SYN3: variants seen among roughly 807,000 people sequenced by gnomAD.
The protein encoded by SYN3 is synapsin III, also known as synapsin-3.
In SYN3, 35 loss-of-function variants were observed where a neutral mutation model predicts 65.8. That is an observed-to-expected ratio of 0.53 (90% CI 0.41 to 0.70). SYN3 has a LOEUF of 0.70. SYN3 is among the 30% of genes least tolerant of loss of function. The pLI is 0.00. For missense variants in SYN3, 680 were observed against 749.0 expected (o/e 0.91, Z 1.08); for synonymous variants, 270 against 292.9 (o/e 0.92, Z 0.80).
chr22:32,903,922 T>C (rs1399042879), intron 4 of SYN3, among the ~76,000 whole-genome samples: 2 of 152,198 alleles, frequency 1.3e-5, no homozygotes, highest in South Asian at 2.1e-4. Context: ...TACTATGTAT[T>C]GGGCCCCGGG....
chr22:32,548,087 C>T (rs138240203), intron 7 of SYN3, among the ~76,000 whole-genome samples: 22 of 152,358 alleles, frequency 1.4e-4, no homozygotes, highest in African/African-American at 5.0e-4. Flanking sequence ...CCACATTTGA[C>T]AACCTCTTAA....
chr22:32,997,654 C>G (rs949449872), intron 2 of SYN3, among the ~76,000 whole-genome samples: 1 of 152,160 alleles, frequency 6.6e-6, no homozygotes, highest in Non-Finnish European at 1.5e-5. Flanking sequence ...TGCCAGTTTC[C>G]ACAGTGTAAA....
intron 2 of SYN3, among the ~76,000 whole-genome samples, chr22:32,999,786 T>G (rs2053004381): frequency 6.6e-6 from 1 of 152,086 alleles, no homozygotes; most frequent in South Asian, 2.1e-4. Flanking sequence ...CTTATGACTT[T>G]GAGGGCAACG....
At chr22:32,782,515 CTTTTT>C (rs1265679936) in intron 6 of SYN3, among the ~76,000 whole-genome samples, 1 of 124,164 alleles carries the variant, frequency 8.1e-6, no homozygotes. Flanking sequence ...CCTTGTAATT[CTTTTT>C]TTTTTTTTTT....
chr22:32,533,123 TTGGGAGAGGCA>T (rs1225260473), intron 10 of SYN3, among the ~76,000 whole-genome samples: 1 of 151,632 alleles, frequency 6.6e-6, no homozygotes, highest in Non-Finnish European at 1.5e-5. Flanking sequence ...GACTATAGGA[TTGGGAGAGGCA>T]TGGGCTGCTG....
rs544596681 is a variant in SYN3, at chr22:32,894,113, C to T, written c.462-24988G>A. Among the ~76,000 whole-genome samples the T allele has an allele frequency of 7.6e-4, 115 of 152,302 alleles. 2 individuals are homozygous for T. Among genetic ancestry groups the T allele is most frequent in the Non-Finnish European group, 4.4e-4 (30 of 68,034 alleles). On this transcript the variant is annotated intron_variant, in intron 4 of 13. Transcript: ENST00000358763. ...TGTGTGTCATTTATCCTCTGAAAGT[C>T]TTCACCTTGTAATACTTATGTCTTC...
At chr22:32,806,694 T>A (rs575517017) in intron 6 of SYN3, among the ~76,000 whole-genome samples, 1 of 152,342 alleles carries the variant, frequency 6.6e-6, no homozygotes, top group South Asian at 2.1e-4. Flanking sequence ...TTATCTATAT[T>A]TTAAAAGCTA....
chr22:32,915,414 C>T (rs2050161110), intron 4 of SYN3, among the ~76,000 whole-genome samples: 1 of 152,172 alleles, frequency 6.6e-6, no homozygotes, highest in Non-Finnish European at 1.5e-5. Flanking sequence ...GGGTAAGGAA[C>T]ATATAAGCAA....
chr22:32,966,139 A>G (rs1052877923), intron 3 of SYN3, among the ~76,000 whole-genome samples: 2 of 152,162 alleles, frequency 1.3e-5, no homozygotes, highest in Non-Finnish European at 1.5e-5. Flanking sequence ...TGAATTAGTA[A>G]TCTCAAAGTC....
intron 3 of SYN3, among the ~76,000 whole-genome samples, chr22:32,947,005 T>C (rs1483638025): frequency 2.0e-5 from 3 of 152,218 alleles, no homozygotes; most frequent in East Asian, 3.9e-4. Flanking sequence ...TCTGAGCTTT[T>C]CTGTTTGTGT....
intron 1 of SYN3, among the ~76,000 whole-genome samples, chr22:33,033,596 G>GCCT (rs2053794700): frequency 1.3e-5 from 2 of 152,120 alleles, no homozygotes; most frequent in South Asian, 4.1e-4. Context: ...TAGTCTCACT[G>GCCT]CCTCACCCAG....
intron 6 of SYN3, among the ~76,000 whole-genome samples, chr22:32,712,217 G>C (rs1302276744): frequency 6.6e-6 from 1 of 152,184 alleles, no homozygotes; most frequent in Admixed American, 6.5e-5. Context: ...TTGGGTTTCA[G>C]CTCAAATATT....
intron 7 of SYN3, among the ~76,000 whole-genome samples, chr22:32,542,028 C>T (rs2058264049): frequency 6.6e-6 from 1 of 152,036 alleles, no homozygotes; most frequent in Non-Finnish European, 1.5e-5. Flanking sequence ...GCACGAGGAA[C>T]CCACAGTGGG....
intron 6 of SYN3, among the ~76,000 whole-genome samples, chr22:32,818,946 G>T (rs1278929174): frequency 6.6e-6 from 1 of 152,140 alleles, no homozygotes; most frequent in African/African-American, 2.4e-5. Context: ...GCTACTCCTC[G>T]CCCCCTCCTG....
intron 2 of SYN3, 84 bp downstream of exon 2, chr22:33,006,268 C>T (rs2053192312): frequency 6.9e-7 from 1 of 1,447,302 alleles, no homozygotes; most frequent in Non-Finnish European, 9.3e-7. Context: ...TCATAGCTCT[C>T]CCCTTCTATT....
chr22:32,715,732 T>A (rs1249956611), intron 6 of SYN3, among the ~76,000 whole-genome samples: 2 of 139,186 alleles, frequency 1.4e-5, no homozygotes, highest in African/African-American at 5.6e-5. Flanking sequence ...TGAGCCAAGA[T>A]CGTGCCACTG....
At chr22:32,978,994 C>T (rs950269197) in intron 3 of SYN3, among the ~76,000 whole-genome samples, 2 of 151,810 alleles carry the variant, frequency 1.3e-5, no homozygotes, top group East Asian at 3.9e-4. Flanking sequence ...GCCTGACCAA[C>T]ATGGTGAAAT....
chr22:32,941,992 C>A (rs193223754), intron 3 of SYN3, among the ~76,000 whole-genome samples: 1 of 152,326 alleles, frequency 6.6e-6, no homozygotes, highest in East Asian at 1.9e-4. Context: ...AGGAGGCCTG[C>A]CTACCTCTGT....
chr22:32,750,228 T>C (rs2045073563), intron 6 of SYN3, among the ~76,000 whole-genome samples: 1 of 152,186 alleles, frequency 6.6e-6, no homozygotes, highest in African/African-American at 2.4e-5. Context: ...CGCCATGGGT[T>C]AGAATGGGTT....
Sources: allele counts gnomAD v4.1 joint callset (sites outside exome capture counted in the v4.1 genomes callset), GRCh38; gene constraint gnomAD v4.1.1; transcripts MANE v1.5; gene names NCBI Gene and HGNC (gene_info 2026-07-23, HGNC 2026-07-21).